TENT5D: variants seen among roughly 807,000 people sequenced by gnomAD.
TENT5D encodes terminal nucleotidyltransferase 5D.
For synonymous variants in TENT5D, 103 were observed against 100.6 expected (o/e 1.02, Z -0.15); for missense variants, 191 against 287.0 (o/e 0.67, Z 2.42).
At chrX:80,347,074 T>G (rs2147514286) in intron 3 of TENT5D, among the ~76,000 whole-genome samples, 1 of 112,010 alleles carries the variant, frequency 8.9e-6, no homozygotes, top group South Asian at 3.8e-4. Context: ...ATCCAGTATA[T>G]CATTGATGGG....
At chrX:80,362,372 C>T (rs923278473) in intron 3 of TENT5D, among the ~76,000 whole-genome samples, 7 of 111,346 alleles carry the variant, frequency 6.3e-5, no homozygotes, top group Admixed American at 1.9e-4. Context: ...ACCATGTTAA[C>T]CAGGATGGCC....
chrX:80,419,923 C>A (rs1233303361), upstream of TENT5D, among the ~76,000 whole-genome samples: 2 of 111,481 alleles, frequency 1.8e-5, no homozygotes, highest in Non-Finnish European at 3.8e-5. Flanking sequence ...CTATCTTGCC[C>A]AGGCTAGTCT....
intron 3 of TENT5D, among the ~76,000 whole-genome samples, chrX:80,362,856 A>G (rs1159884127): frequency 9.0e-6 from 1 of 111,602 alleles, no homozygotes; most frequent in Admixed American, 9.6e-5. Flanking sequence ...ATCAGTGTCA[A>G]TATCTTCATC....
At chrX:80,420,322 T>G (rs1372855462), upstream of TENT5D, 1 of 110,267 alleles carries the variant, frequency 9.1e-6, no homozygotes, top group Non-Finnish European at 1.9e-5. Context: ...ACATTGTCTT[T>G]TTTGAGATTT....
At chrX:80,445,188 G>A (rs1028389624) in exon 3 of TENT5D, 4 of 122,757 alleles carry the variant, frequency 3.3e-5, no homozygotes, top group African/African-American at 3.2e-5. Flanking sequence ...CACAGCACAA[G>A]TGGCCATCAG....
At chrX:80,407,850 A>T (rs1931538865) in intron 3 of TENT5D, among the ~76,000 whole-genome samples, 1 of 107,475 alleles carries the variant, frequency 9.3e-6, no homozygotes, top group Non-Finnish European at 1.9e-5. Context: ...CATAGTTGGA[A>T]GTAAAGCTCT....
chrX:80,379,921 T>C (rs1180073489), intron 3 of TENT5D, among the ~76,000 whole-genome samples: 1 of 108,348 alleles, frequency 9.2e-6, no homozygotes, highest in Non-Finnish European at 1.9e-5. Flanking sequence ...CCTGGATTCA[T>C]TGATTTTTTT....
chrX:80,353,998 G>C (rs1930235048), intron 3 of TENT5D, among the ~76,000 whole-genome samples: 1 of 111,295 alleles, frequency 9.0e-6, no homozygotes, highest in Non-Finnish European at 1.9e-5. Flanking sequence ...GGTATGAAAT[G>C]GTATCTCATT....
intron 1 of TENT5D, among the ~76,000 whole-genome samples, chrX:80,424,169 T>C (rs1931943278): frequency 9.0e-6 from 1 of 110,668 alleles, no homozygotes; most frequent in Admixed American, 9.7e-5. Flanking sequence ...GGCTTAAGGG[T>C]CCTTGGAAGA....
intron 3 of TENT5D, among the ~76,000 whole-genome samples, chrX:80,348,057 G>T (rs192181846): frequency 8.9e-6 from 1 of 112,049 alleles, no homozygotes; most frequent in East Asian, 2.8e-4. Flanking sequence ...CCAGTATCAT[G>T]CTGTTTTTGT....
At chrX:80,355,623 G>A (rs951362317) in intron 3 of TENT5D, among the ~76,000 whole-genome samples, 9 of 111,595 alleles carry the variant, frequency 8.1e-5, no homozygotes, top group African/African-American at 2.9e-4. Flanking sequence ...GAATTCTGCA[G>A]GTTTGTGACC....
intron 3 of TENT5D, among the ~76,000 whole-genome samples, chrX:80,409,309 G>C (rs1463680390): frequency 1.8e-5 from 2 of 109,681 alleles, no homozygotes; most frequent in Non-Finnish European, 3.8e-5. Context: ...AAGTCAAATT[G>C]TCCCTGTTTG....
chrX:80,426,788 C>A (rs1443762471), intron 1 of TENT5D, among the ~76,000 whole-genome samples: 1 of 111,678 alleles, frequency 9.0e-6, no homozygotes, highest in Non-Finnish European at 1.9e-5. Flanking sequence ...CACGTAAATC[C>A]ATTTTCAGTA....
intron 3 of TENT5D, among the ~76,000 whole-genome samples, chrX:80,397,375 G>A (rs1157104230): frequency 8.3e-5 from 9 of 108,422 alleles, no homozygotes; most frequent in Admixed American, 1.9e-4. Context: ...ATGGGATGGC[G>A]GCCGGGAAGA....
intron 1 of TENT5D, among the ~76,000 whole-genome samples, chrX:80,425,537 T>G (rs943248138): frequency 8.9e-6 from 1 of 112,347 alleles, no homozygotes; most frequent in African/African-American, 3.2e-5. Context: ...AAACATTTTT[T>G]GAAGAGGATT....
intron 2 of TENT5D, among the ~76,000 whole-genome samples, chrX:80,340,999 A>G (rs1929947085): frequency 8.9e-6 from 1 of 112,355 alleles, no homozygotes; most frequent in Admixed American, 9.4e-5. Context: ...CCACAGCAAG[A>G]GCAAAATAAC....
intron 1 of TENT5D, among the ~76,000 whole-genome samples, chrX:80,430,268 G>A (rs749706184): frequency 1.1e-4 from 12 of 111,648 alleles, no homozygotes; most frequent in African/African-American, 3.9e-4. Context: ...CAATGAGAAG[G>A]GAATTTGAAC....
At chrX:80,349,134 C>T (rs1439932286) in intron 3 of TENT5D, among the ~76,000 whole-genome samples, 1 of 111,973 alleles carries the variant, frequency 8.9e-6, no homozygotes, top group Non-Finnish European at 1.9e-5. Flanking sequence ...GTTGTTTTGT[C>T]TCTACCAGAT....
chrX:80,349,324 CT>C (rs1200418712), intron 3 of TENT5D, among the ~76,000 whole-genome samples: 3 of 111,774 alleles, frequency 2.7e-5, no homozygotes, highest in African/African-American at 9.7e-5. Flanking sequence ...TAATTACTGC[CT>C]CAATTACAGA....
Sources: allele counts gnomAD v4.1 joint callset (sites outside exome capture counted in the v4.1 genomes callset), GRCh38; gene constraint gnomAD v4.1.1; transcripts MANE v1.5; gene names NCBI Gene and HGNC (gene_info 2026-07-23, HGNC 2026-07-21).